Variants in SH2B3 observed in about 807,000 individuals in gnomAD.
The protein encoded by SH2B3 is SH2B adapter protein 3.
In SH2B3, 43 loss-of-function variants were observed where a neutral mutation model predicts 51.9. The ratio of observed to expected loss-of-function variants is 0.83; its 90% CI spans 0.65 to 1.07. SH2B3 has a LOEUF of 1.07. Ranked by LOEUF, SH2B3 falls within the 50% of genes least tolerant of loss-of-function variation. SH2B3 has a pLI of 0.00. For synonymous variants in SH2B3, 396 were observed against 376.0 expected (o/e 1.05, Z -0.62); for missense variants, 952 against 834.3 (o/e 1.14, Z -1.74).
intron 2 of SH2B3, among the ~76,000 whole-genome samples, chr12:111,439,868 C>T (rs1873243507): frequency 6.6e-6 from 1 of 152,232 alleles, no homozygotes; most frequent in Admixed American, 6.5e-5. Flanking sequence ...TCTCTCCTCA[C>T]TGGGGGCTCC....
At chr12:111,421,199 G>A (rs1053911578) in intron 2 of SH2B3, among the ~76,000 whole-genome samples, 2 of 152,094 alleles carry the variant, frequency 1.3e-5, no homozygotes, top group African/African-American at 2.4e-5. Flanking sequence ...CTGGAGTGCA[G>A]TGGTGTGATC....
chr12:111,424,244 G>C (rs1400642368), intron 2 of SH2B3, among the ~76,000 whole-genome samples: 1 of 152,128 alleles, frequency 6.6e-6, no homozygotes, highest in African/African-American at 2.4e-5. Context: ...TCACCTTTCT[G>C]AGACTCAGTT....
chr12:111,442,742 T>G (rs1873547107), intron 2 of SH2B3, among the ~76,000 whole-genome samples: 1 of 152,220 alleles, frequency 6.6e-6, no homozygotes. Context: ...CATGGTGGCT[T>G]CTGGGGGCTG....
Position 111,418,811 on chromosome 12 carries a change from G to A in SH2B3, c.666G>A (p.Leu222=). Residue 222 remains leucine, a synonymous_variant, in exon 2 of 8, where the codon CTG becomes CTA. Coordinates refer to ENST00000341259, the MANE Select transcript of SH2B3 (RefSeq NM_005475.3). This position sits in a 1 kb window ranked among gnomAD's most constrained non-coding sequence, Gnocchi z 6.7. ...DSGARWQRGR[L]ALRRAPGPDG... is the part of the protein sequence containing the mutation. ...GGGCACGCTGGCAGCGCGGGAGGCTGGCGCTGCGCCGGGCCCCGGGCCCCG... is the reference window on the plus strand; with the variant it reads ...GGGCACGCTGGCAGCGCGGGAGGCTAGCGCTGCGCCGGGCCCCGGGCCCCG... The A allele has an allele frequency of 7.0e-7, 1 of 1,434,926 alleles. No homozygotes were observed. Among genetic ancestry groups the A allele is most frequent in the Non-Finnish European group, 9.0e-7 (1 of 1,106,828 alleles). The allele number at this position is 1,434,926 out of a possible 1,614,324, so 88.9% of individuals were successfully genotyped here. A position where few individuals can be genotyped will look rare whatever the true frequency, so the allele number is the denominator to read the frequency against.
chr12:111,423,581 C>A (rs11829746), intron 2 of SH2B3, among the ~76,000 whole-genome samples: 15,549 of 152,072 alleles, frequency 0.1, 2,660 homozygotes, highest in African/African-American at 0.35. Flanking sequence ...CGTGTTAGCC[C>A]GGATGGTTTC....
chr12:111,447,958 GGT>G (rs1452319470), intron 7 of SH2B3, 23 bp from the exon 8 acceptor site: 1 of 1,572,936 alleles, frequency 6.4e-7, no homozygotes, highest in Admixed American at 1.7e-5. Context: ...CTGATGGTGT[GGT>G]CTCTCTTGGT....
rs959610719 is a variant in SH2B3, at chr12:111,412,412, C to T, written c.-27-5707C>T. Among the ~76,000 whole-genome samples the T allele has an allele frequency of 1.6e-4, 24 of 152,366 alleles. 1 individual carries two copies. The highest frequency in any genetic ancestry group is 6.8e-3 in the Middle Eastern group (2 of 294). Reference sequence around the variant, plus strand: ...CCTGAGAAGATCTTTTGTTCCAGCTCCCCATGACGCCCCGAGCCCAGCCCA... The same window carrying T: ...CCTGAGAAGATCTTTTGTTCCAGCTTCCCATGACGCCCCGAGCCCAGCCCA... On this transcript the variant is annotated intron_variant, in intron 1 of 7. Coordinates refer to ENST00000341259, the MANE Select transcript of SH2B3 (RefSeq NM_005475.3).
chr12:111,430,302 T>C (rs1165579494), intron 2 of SH2B3, among the ~76,000 whole-genome samples: 1 of 152,150 alleles, frequency 6.6e-6, no homozygotes. Flanking sequence ...GCTTTGCCGC[T>C]TAGAAGAAAC....
rs1874349698 is a variant in SH2B3, at chr12:111,449,094, A to C, written c.*792A>C. The C allele has an allele frequency of 6.6e-6, 1 of 152,630 alleles. No individual in the cohort carries two copies. Among genetic ancestry groups the C allele is most frequent in the South Asian group, 2.1e-4 (1 of 4,836 alleles). The allele number at this position is 152,630 out of a possible 1,614,324, so 9.5% of individuals were successfully genotyped here. ...CCACTGTCCTTCCTAAATGTCAAGA[A>C]GTGAAGTATGTCACCCTTTCAGGGA... On this transcript the variant is annotated 3_prime_UTR_variant, in exon 8 of 8. Transcript: ENST00000341259.
intron 2 of SH2B3, among the ~76,000 whole-genome samples, chr12:111,440,762 G>T (rs1237261123): frequency 2.0e-5 from 3 of 152,222 alleles, no homozygotes; most frequent in Admixed American, 6.5e-5. Context: ...GATGGAAAAG[G>T]AAGAGGGAGG....
At chr12:111,419,754 T>C (rs911044333) in intron 2 of SH2B3, among the ~76,000 whole-genome samples, 1 of 152,236 alleles carries the variant, frequency 6.6e-6, no homozygotes, top group Non-Finnish European at 1.5e-5. Flanking sequence ...ACATTGGTTG[T>C]AGCTAAGGAA....
rs1314699560 is a variant in SH2B3, at chr12:111,409,896, C to CA, written c.-28+3620dup. On this transcript the variant is annotated intron_variant, in intron 1 of 7. Transcript: ENST00000341259. This position sits in a 1 kb window ranked among gnomAD's most constrained non-coding sequence, Gnocchi z 4.0. ...GGAACAGGTCCTCCTGGTGCCCCCC[C>CA]ACTCCCCGCCCCAGCCGGAAACCCG... Among the ~76,000 whole-genome samples the CA allele has an allele frequency of 6.6e-6, 1 of 152,212 alleles. No individual in the cohort carries two copies. The highest frequency in any genetic ancestry group is 1.5e-5 in the Non-Finnish European group (1 of 68,034).
intron 2 of SH2B3, among the ~76,000 whole-genome samples, chr12:111,420,323 G>C (rs932425295): frequency 7.5e-6 from 1 of 133,470 alleles, no homozygotes; most frequent in Admixed American, 8.6e-5. Flanking sequence ...AGCCAAGATC[G>C]CACCACAGCA....
rs1873105194 is a variant in SH2B3, at chr12:111,438,600, C to T, written c.733-8153C>T. Among the ~76,000 whole-genome samples the T allele has an allele frequency of 6.6e-6, 1 of 152,218 alleles. No individual in the cohort carries two copies. Among genetic ancestry groups the T allele is most frequent in the South Asian group, 2.1e-4 (1 of 4,832 alleles). On this transcript the variant is annotated intron_variant, in intron 2 of 7. Coordinates refer to ENST00000341259, the MANE Select transcript of SH2B3 (RefSeq NM_005475.3). This position sits in a 1 kb window ranked among gnomAD's most constrained non-coding sequence, Gnocchi z 4.2. Reference sequence around the variant, plus strand: ...TGAATGTTGAGCACCCACCACCTAGCAGGCACTGGCTCGCGGCCAAGGACA... The same window carrying T: ...TGAATGTTGAGCACCCACCACCTAGTAGGCACTGGCTCGCGGCCAAGGACA...
intron 1 of SH2B3, among the ~76,000 whole-genome samples, chr12:111,416,769 C>T (rs973952939): frequency 6.6e-6 from 1 of 152,220 alleles, no homozygotes; most frequent in Non-Finnish European, 1.5e-5. Flanking sequence ...GCTGGGATTA[C>T]AGGCATGAGC....
At position 111,418,300 on chromosome 12, in the gene SH2B3, A is replaced by T; in HGVS notation, c.155A>T (p.His52Leu). The change falls in exon 2 of 8, where the codon CAT becomes CTT. Residue 52 changes from histidine (H) to leucine (L), a missense_variant. By Grantham distance (99) the His-to-Leu change is moderately conservative. Coordinates refer to ENST00000341259, the MANE Select transcript of SH2B3 (RefSeq NM_005475.3). The surrounding 1 kb of genome is among the most constrained non-coding windows in gnomAD (Gnocchi z 6.7). Reference protein sequence around the residue: ...ARQYWLFAREHPQHAPLRAEL... With the variant: ...ARQYWLFARELPQHAPLRAEL... ...CAGTACTGGCTGTTCGCCCGGGAGC[A>T]TCCGCAGCACGCGCCGCTGCGCGCC... 5 of 1,534,082 alleles carry T rather than the reference A, an allele frequency of 3.3e-6. No individual in the cohort carries two copies. Among genetic ancestry groups the T allele is most frequent in the Non-Finnish European group, 4.4e-6 (5 of 1,146,614 alleles).
chr12:111,411,583 C>T (rs1001013029), intron 1 of SH2B3, among the ~76,000 whole-genome samples: 1 of 152,146 alleles, frequency 6.6e-6, no homozygotes, highest in Non-Finnish European at 1.5e-5. Context: ...GATTCAAGGT[C>T]CTGCGATTTC....
chr12:111,445,507 C>T (rs1873860863), intron 2 of SH2B3, among the ~76,000 whole-genome samples: 1 of 152,242 alleles, frequency 6.6e-6, no homozygotes, highest in African/African-American at 2.4e-5. Flanking sequence ...AATGCCCTGG[C>T]TGGTGCTGGT....
rs751076276 is a variant in SH2B3, at chr12:111,448,134, A to AC, written c.1566dup (p.Glu523ArgfsTer23). 3.1e-6 allele frequency: 5 copies of AC among 1,613,602 alleles called. No homozygotes were observed. Among genetic ancestry groups the AC allele is most frequent in the African/African-American group, 1.3e-5 (1 of 74,784 alleles). ...CAGAGGGTCTCCCAGGGCGATCCTC[A>AC]CCCCCCGAGCAGATCTTCCACCTGG... is the stretch of plus-strand genomic sequence containing the variant. On this transcript the variant is annotated frameshift_variant, in exon 8 of 8. Coordinates refer to ENST00000341259, the MANE Select transcript of SH2B3 (RefSeq NM_005475.3). LOFTEE classifies it high-confidence loss of function.
Sources: allele counts gnomAD v4.1 joint callset (sites outside exome capture counted in the v4.1 genomes callset), GRCh38; gene constraint gnomAD v4.1.1; non-coding constraint Gnocchi (gnomAD v3.1); transcripts MANE v1.5; gene names NCBI Gene and HGNC (gene_info 2026-07-23, HGNC 2026-07-21).